Variants in EVC observed in about 807,000 individuals in gnomAD.
The protein encoded by EVC is evC complex member EVC.
EVC carries 116 observed loss-of-function variants against 118.9 expected under a neutral mutation model. The observed-to-expected ratio is 0.98, with a 90% CI of 0.84 to 1.14. The LOEUF (loss-of-function observed/expected upper bound fraction) is 1.14, where lower values mean the gene tolerates loss of function less well. EVC is among the 50% of genes most tolerant of loss of function. The pLI, the probability that EVC is intolerant of heterozygous loss-of-function variation, is 0.00. For synonymous variants in EVC, 619 were observed against 534.7 expected, an observed-to-expected ratio of 1.16 and a Z score of -2.18; for missense variants, 1,401 against 1,246.4, an observed-to-expected ratio of 1.12 and a Z score of -1.87.
rs775388162 is a variant in EVC, at chr4:5,752,998, C to T, written c.1261C>T (p.Leu421=). The change falls in exon 9 of 21, where the codon CTG becomes TTG. Residue 421 remains leucine (L), a synonymous_variant. Transcript: ENST00000264956. ...GCTGTCCGGGCGGCAGAAGGAGGAG[C>T]TGCTCACGCAGCAGCACAAGGCCTT... is the stretch of plus-strand genomic sequence containing the variant. ...GKLSGRQKEE[L]LTQQHKAFWQ... 1 of 1,612,996 alleles carries T rather than the reference C, an allele frequency of 6.2e-7. No individual in the cohort carries two copies. Among genetic ancestry groups the T allele is most frequent in the Admixed American group, 1.7e-5 (1 of 59,868 alleles).
intron 11 of EVC, among the ~76,000 whole-genome samples, chr4:5,778,072 AG>A (rs1227615561): frequency 1.4e-5 from 2 of 146,946 alleles, no homozygotes; most frequent in African/African-American, 5.1e-5. Context: ...CCCACCTATG[AG>A]TGAGAATATG....
Position 5,719,419 on chromosome 4 carries a change from T to C in EVC, c.300+46T>C, listed in dbSNP as rs1405351597. ...TGTTTGTGGAGGCACATGTGGGAGG[T>C]GGGGTATTCCCCCTGGAAGCCGGGT... On this transcript the variant is annotated intron_variant, in intron 2 of 20. Coordinates refer to ENST00000264956, the MANE Select transcript of EVC (RefSeq NM_153717.3). This position sits in a 1 kb window ranked among gnomAD's most constrained non-coding sequence, Gnocchi z 4.7. The C allele has an allele frequency of 6.2e-7, 1 of 1,613,230 alleles. No homozygotes were observed. Among genetic ancestry groups the C allele is most frequent in the East Asian group, 2.2e-5 (1 of 44,874 alleles).
chr4:5,794,261 TTATATATTTA>T (rs1309618197), intron 13 of EVC, among the ~76,000 whole-genome samples: 26 of 87,070 alleles, frequency 3.0e-4, no homozygotes, highest in African/African-American at 8.3e-4. Context: ...TTATATGTAT[TTATATATTTA>T]TATATATTTA....
the EVC span, chr4:5,827,898 A>G: frequency 7.1e-6 from 3 of 420,074 alleles, no homozygotes; most frequent in African/African-American, 2.2e-5. Context: ...GAGTTGCTCT[A>G]AAGTTAGGAA....
intron 5 of EVC, among the ~76,000 whole-genome samples, chr4:5,739,727 T>C (rs543846208): frequency 6.6e-6 from 1 of 152,312 alleles, no homozygotes; most frequent in African/African-American, 2.4e-5. Context: ...AAAAATTTGC[T>C]GTTTCACCCT....
At chr4:5,781,961 A>G (rs1053185204) in intron 11 of EVC, among the ~76,000 whole-genome samples, 1 of 152,224 alleles carries the variant, frequency 6.6e-6, no homozygotes, top group East Asian at 1.9e-4. Context: ...TAAACTGGAG[A>G]GAGGGTCACT....
At chr4:5,824,294 G>A in the EVC span, 2 of 985,310 alleles carry the variant, frequency 2.0e-6, no homozygotes, top group Middle Eastern at 5.2e-4. Context: ...ATGACTTTTA[G>A]CATTCTATTT....
Position 5,813,843 on chromosome 4 carries a change from T to G in EVC, c.*2806T>G, listed in dbSNP as rs1717276427. ...GCCCACCCTTGCCGCCCAGCTGTTG[T>G]GCTGGGCACAGTCTGGGGCACAGGC... On this transcript the variant is annotated 3_prime_UTR_variant, in exon 21 of 21. Coordinates refer to ENST00000264956, the MANE Select transcript of EVC (RefSeq NM_153717.3). 6.6e-6 allele frequency: 1 copy of G among 152,276 alleles called. No homozygotes were observed. The highest frequency in any genetic ancestry group is 2.1e-4 in the South Asian group (1 of 4,834). The allele number at this position is 152,276 out of a possible 1,614,324, so 9.4% of individuals were successfully genotyped here.
intron 17 of EVC, among the ~76,000 whole-genome samples, chr4:5,806,714 G>A (rs1022144531): frequency 6.6e-6 from 1 of 152,182 alleles, no homozygotes; most frequent in Non-Finnish European, 1.5e-5. Flanking sequence ...CCAGTAGTGG[G>A]ATTGCTGGAT....
chr4:5,725,251 G>T (rs1725624197), intron 2 of EVC, among the ~76,000 whole-genome samples: 1 of 152,206 alleles, frequency 6.6e-6, no homozygotes, highest in African/African-American at 2.4e-5. Flanking sequence ...TAAAAGGATT[G>T]CTGGGACAAA....
intron 14 of EVC, 131 bp downstream of exon 14, chr4:5,797,363 C>A (rs527938304): frequency 2.6e-6 from 2 of 782,402 alleles, no homozygotes; most frequent in Admixed American, 2.0e-5. Context: ...ATTCATTCGC[C>A]GGGGCTGCCA....
At chr4:5,782,092 T>A (rs1408865602) in intron 11 of EVC, among the ~76,000 whole-genome samples, 1 of 152,142 alleles carries the variant, frequency 6.6e-6, no homozygotes, top group Non-Finnish European at 1.5e-5. Context: ...TTTTTATATT[T>A]TTTGAGATGG....
intron 2 of EVC, among the ~76,000 whole-genome samples, chr4:5,720,499 T>C (rs1724766663): frequency 6.6e-6 from 1 of 151,448 alleles, no homozygotes; most frequent in Non-Finnish European, 1.5e-5. Flanking sequence ...CTTTCCAACC[T>C]GTTCCATCCT....
intron 11 of EVC, among the ~76,000 whole-genome samples, chr4:5,761,706 CTT>C (rs1326759373): frequency 6.6e-6 from 1 of 151,822 alleles, no homozygotes; most frequent in African/African-American, 2.4e-5. Flanking sequence ...AGCATGGAGT[CTT>C]TTGAAAGGGC....
intron 11 of EVC, among the ~76,000 whole-genome samples, chr4:5,762,059 A>G (rs1381224123): frequency 1.2e-5 from 1 of 86,716 alleles, no homozygotes; most frequent in African/African-American, 4.6e-5. Context: ...CCCCACCCCC[A>G]CCCCACATCA....
rs1051597144 is a variant in EVC, at chr4:5,738,454, G to A, written c.703-3262G>A. Among the ~76,000 whole-genome samples, 2 of 152,274 alleles carry A rather than the reference G, an allele frequency of 1.3e-5. No homozygotes were observed. Among genetic ancestry groups the A allele is most frequent in the African/African-American group, 2.4e-5 (1 of 41,564 alleles). ...ATGGCACGCTGCAGAGAAATCTTTT[G>A]TGAAAGGAAGAGTCAGCTGATGTGG... On this transcript the variant is annotated intron_variant, in intron 5 of 20. Transcript: ENST00000264956. This position sits in a 1 kb window ranked among gnomAD's most constrained non-coding sequence, Gnocchi z 6.5.
In EVC at chr4:5,793,637, C is replaced by T. The variant is rs749141466; in HGVS notation, c.1806C>T (p.Ser602=). The change falls in exon 13 of 21, where the codon AGC becomes AGT. Residue 602 remains serine, a synonymous_variant. Coordinates refer to ENST00000264956, the MANE Select transcript of EVC (RefSeq NM_153717.3). Reference sequence around the variant, plus strand: ...GGATGGAGGAGTGTGCGCTGTCCAGCGTGCTGCAGACACACCTGCGGGAGG... The same window carrying T: ...GGATGGAGGAGTGTGCGCTGTCCAGTGTGCTGCAGACACACCTGCGGGAGG... ...QVWMEECALS[S]VLQTHLREDH... The T allele has an allele frequency of 6.2e-5, 96 of 1,552,084 alleles. No homozygotes were observed. The South Asian group carries it at 6.5e-4, about 11-fold the overall frequency.
At position 5,719,128 on chromosome 4, in the gene EVC, C is replaced by A; in HGVS notation, c.175-120C>A. 7.6e-7 allele frequency: 1 copy of A among 1,321,236 alleles called. No individual in the cohort carries two copies. The highest frequency in any genetic ancestry group is 1.1e-6 in the Non-Finnish European group (1 of 922,330). The allele number at this position is 1,321,236 out of a possible 1,614,324, so 81.8% of individuals were successfully genotyped here. ...AGACCAAGCTTGAGAAGCACAGAGG[C>A]GAGCAGAAGTGGCTGCTGGACTGGG... On this transcript the variant is annotated intron_variant, in intron 1 of 20. Coordinates refer to ENST00000264956, the MANE Select transcript of EVC (RefSeq NM_153717.3). The surrounding 1 kb of genome is among the most constrained non-coding windows in gnomAD (Gnocchi z 4.7).
In EVC at chr4:5,797,130, G is replaced by A. The variant is rs142897994; in HGVS notation, c.1995G>A (p.Ser665=). Residue 665 remains serine (S), a synonymous_variant, in exon 14 of 21, where the codon TCG becomes TCA. Coordinates refer to ENST00000264956, the MANE Select transcript of EVC (RefSeq NM_153717.3). ...ALATLTQMRL[S]GKKHLLQELR... is the part of the protein sequence containing the mutation. Reference sequence around the variant, plus strand: ...CCACCCTGACGCAGATGCGGCTATCGGGGAAGAAGCACCTCCTGCAGGAGC... The same window carrying A: ...CCACCCTGACGCAGATGCGGCTATCAGGGAAGAAGCACCTCCTGCAGGAGC... The A allele has an allele frequency of 1.7e-4, 280 of 1,613,624 alleles. 2 individuals carry two copies. The East Asian group carries it at 3.5e-3, about 20-fold the overall frequency.
Sources: gnomAD v4.1 joint callset for allele counts (sites outside exome capture counted in the v4.1 genomes callset) on GRCh38, gnomAD v4.1.1 for gene constraint, Gnocchi (gnomAD v3.1) non-coding constraint, MANE v1.5 for transcripts, NCBI Gene and HGNC (gene_info 2026-07-23, HGNC 2026-07-21) for gene names.